Variants in WDR27 observed in about 807,000 individuals in gnomAD.
WDR27 encodes WD repeat-containing protein 27.
A neutral mutation model predicts 114.4 loss-of-function variants in WDR27; 100 were observed. That is an observed-to-expected ratio of 0.87 (90% CI 0.74 to 1.03). WDR27 has a LOEUF of 1.03. Among genes scored for constraint, WDR27 ranks in the 50% least tolerant of loss-of-function variants. The probability of loss-of-function intolerance (pLI) is 0.00; values close to 1 mark genes in which losing one functional copy is unlikely to be tolerated. For synonymous variants in WDR27, 449 were observed against 423.1 expected (o/e 1.06, Z -0.75); for missense variants, 1,129 against 1,092.9 (o/e 1.03, Z -0.47).
chr6:169,517,407 G>T (rs958117341), intron 25 of WDR27, among the ~76,000 whole-genome samples: 4 of 152,138 alleles, frequency 2.6e-5, no homozygotes, highest in African/African-American at 4.8e-5. Context: ...ACCACTGGGG[G>T]AACAGAGTGA....
chr6:169,621,527 C>A (rs1813260971), intron 21 of WDR27, among the ~76,000 whole-genome samples: 1 of 134,768 alleles, frequency 7.4e-6, no homozygotes, highest in South Asian at 2.1e-4. Context: ...CATATACATA[C>A]ACACACACGC....
At chr6:169,553,961 C>A (rs1798534059) in intron 25 of WDR27, among the ~76,000 whole-genome samples, 3 of 152,214 alleles carry the variant, frequency 2.0e-5, no homozygotes, top group Admixed American at 2.0e-4. Context: ...CCTAAATTCT[C>A]TAAATGGCAG....
chr6:169,546,180 A>G (rs1797438583), intron 25 of WDR27, among the ~76,000 whole-genome samples: 2 of 152,194 alleles, frequency 1.3e-5, no homozygotes, highest in Non-Finnish European at 2.9e-5. Flanking sequence ...TGCTGGTGGG[A>G]ATGTAAGAGG....
At chr6:169,581,075 A>T (rs1803327070) in intron 24 of WDR27, among the ~76,000 whole-genome samples, 1 of 151,816 alleles carries the variant, frequency 6.6e-6, no homozygotes, top group African/African-American at 2.4e-5. Flanking sequence ...TCAGGAAGCA[A>T]GGTTCATGAC....
At chr6:169,577,070 T>A (rs1309491453) in intron 24 of WDR27, among the ~76,000 whole-genome samples, 25 of 142,780 alleles carry the variant, frequency 1.8e-4, no homozygotes, top group African/African-American at 6.5e-4. Context: ...CTCTCAAATA[T>A]GCTCAAAAAG....
chr6:169,577,449 G>A (rs937851286), intron 24 of WDR27, among the ~76,000 whole-genome samples: 1 of 150,510 alleles, frequency 6.6e-6, no homozygotes. Context: ...CTGGAGACGG[G>A]GAGATGGTTC....
rs577450349 is a variant in WDR27 at position 169,502,008 on chromosome 6, A to C, written c.2646-44374T>G. On this transcript the variant is annotated intron_variant, in intron 25 of 25. Coordinates refer to ENST00000448612, the MANE Select transcript of WDR27 (RefSeq NM_182552.5). Reference sequence around the variant, plus strand: ...CTGGGCCGGATCGCTCCAGTGTGACACGGAGCCGGTGGCCATGCCTGGGGC... The same window carrying C: ...CTGGGCCGGATCGCTCCAGTGTGACCCGGAGCCGGTGGCCATGCCTGGGGC... 7.0e-4 allele frequency among the ~76,000 whole-genome samples: 106 copies of C among 152,304 alleles called. 1 individual carries two copies. Among genetic ancestry groups the C allele is most frequent in the Middle Eastern group, 3.4e-3 (1 of 294 alleles).
intron 1 of WDR27, among the ~76,000 whole-genome samples, chr6:169,698,945 A>G (rs1787038559): frequency 6.6e-6 from 1 of 152,226 alleles, no homozygotes; most frequent in Non-Finnish European, 1.5e-5. Flanking sequence ...ACCTTGAAGC[A>G]GGATGCTTCA....
Position 169,567,396 on chromosome 6 carries a change from G to A in WDR27, c.2645+5023C>T, listed in dbSNP as rs111292925. ...ACTAGTTTAGGAGTATCACTTTCTGGCCAGTGTGAAATTCCCAGTAAGATG... is the reference window on the plus strand; with the variant it reads ...ACTAGTTTAGGAGTATCACTTTCTGACCAGTGTGAAATTCCCAGTAAGATG... On this transcript the variant is annotated intron_variant, in intron 25 of 25. Transcript: ENST00000448612. Among the ~76,000 whole-genome samples the A allele has an allele frequency of 2.3e-3, 355 of 152,206 alleles. 1 individual carries two copies. Among genetic ancestry groups the A allele is most frequent in the African/African-American group, 8.2e-3 (342 of 41,522 alleles).
At chr6:169,617,440 A>C (rs1020719671) in intron 21 of WDR27, among the ~76,000 whole-genome samples, 9 of 152,136 alleles carry the variant, frequency 5.9e-5, no homozygotes, top group Admixed American at 3.3e-4. Flanking sequence ...CAATGGCACG[A>C]TCTCAGCTCA....
At chr6:169,599,115 T>G (rs1204135373) in intron 23 of WDR27, among the ~76,000 whole-genome samples, 3 of 151,906 alleles carry the variant, frequency 2.0e-5, no homozygotes, top group Non-Finnish European at 4.4e-5. Context: ...ATTAGGTATA[T>G]CTCCTAATGC....
chr6:169,664,380 G>A (rs1293733297), intron 7 of WDR27, 94 bp from the exon 8 acceptor site: 135 of 1,594,338 alleles, frequency 8.5e-5, no homozygotes, highest in Non-Finnish European at 9.9e-5. Flanking sequence ...GGGCAGACAC[G>A]TCACAGGACG....
chr6:169,454,645 G>A (rs1784279828), downstream of WDR27, among the ~76,000 whole-genome samples: 1 of 152,236 alleles, frequency 6.6e-6, no homozygotes, highest in African/African-American at 2.4e-5. Flanking sequence ...TTGGTGGCCA[G>A]ACTTGGGACC....
intron 21 of WDR27, among the ~76,000 whole-genome samples, chr6:169,626,838 G>C (rs1814981332): frequency 6.6e-6 from 1 of 152,206 alleles, no homozygotes; most frequent in Non-Finnish European, 1.5e-5. Context: ...ACAGATAAAG[G>C]CAGAAGTCTC....
At chr6:169,437,609 G>A in the WDR27 span, among the ~76,000 whole-genome samples, 1 of 152,008 alleles carries the variant, frequency 6.6e-6, no homozygotes, top group Non-Finnish European at 1.5e-5. Flanking sequence ...CACTCCATGT[G>A]ATTTACCTTC....
intron 17 of WDR27, among the ~76,000 whole-genome samples, chr6:169,641,134 G>C (rs1019046098): frequency 6.6e-6 from 1 of 152,226 alleles, no homozygotes; most frequent in African/African-American, 2.4e-5. Context: ...CGACAAGTCA[G>C]CTTGGTCCTT....
chr6:169,466,421 C>A (rs146725757), intron 25 of WDR27, among the ~76,000 whole-genome samples: 2 of 152,184 alleles, frequency 1.3e-5, no homozygotes, highest in African/African-American at 2.4e-5. Context: ...TCCTTCTTCA[C>A]ATGTCAGCAA....
chr6:169,700,529 C>CT (rs1562967773), intron 1 of WDR27, among the ~76,000 whole-genome samples: 1 of 152,224 alleles, frequency 6.6e-6, no homozygotes. Flanking sequence ...CCTGCACTGC[C>CT]TCTCTTCTTT....
intron 25 of WDR27, among the ~76,000 whole-genome samples, chr6:169,502,751 C>T (rs1263151816): frequency 2.0e-5 from 3 of 152,242 alleles, no homozygotes; most frequent in East Asian, 3.9e-4. Context: ...CCAGGTCAGC[C>T]GATCGCAGCC....
Sources: allele counts gnomAD v4.1 joint callset (sites outside exome capture counted in the v4.1 genomes callset), GRCh38; gene constraint gnomAD v4.1.1; transcripts MANE v1.5; gene names NCBI Gene and HGNC (gene_info 2026-07-23, HGNC 2026-07-21).